The following CELF2 variants were observed in gnomAD, a reference collection of about 807,000 sequenced individuals.
CELF2 encodes the protein CUG triplet repeat RNA-binding protein 2.
CELF2 carries 8 observed loss-of-function variants against 62.6 expected under a neutral mutation model. The observed-to-expected ratio is 0.13, with a 90% confidence interval of 0.07 to 0.23. CELF2 has a LOEUF of 0.23. CELF2 is among the 10% of genes least tolerant of loss of function. CELF2 has a pLI of 1.00. For synonymous variants in CELF2, 258 were observed against 250.0 expected, an observed-to-expected ratio of 1.03 and a Z score of -0.30; for missense variants, 333 against 671.0, an observed-to-expected ratio of 0.50 and a Z score of 5.56.
chr10:11,166,228 G>T (rs1354510316), intron 2 of CELF2, among the ~76,000 whole-genome samples: 1 of 152,232 alleles, frequency 6.6e-6, no homozygotes, highest in Non-Finnish European at 1.5e-5. Flanking sequence ...GGACCGTGAG[G>T]TGAATCTGCC....
At chr10:10,510,555 T>G in the CELF2 span, among the ~76,000 whole-genome samples, 1 of 152,360 alleles carries the variant, frequency 6.6e-6, no homozygotes, top group East Asian at 1.9e-4. Context: ...CATTCATTCA[T>G]TCATCAAATA....
chr10:10,972,719 C>T lies in CELF2; in HGVS notation c.89+52720C>T, dbSNP rs1050434111. The stretch of plus-strand genomic sequence containing the variant: ...GGCTGCTCCTGGGGCACTTCAAACT[C>T]AACGAGCCTCCAACTCACAAGGTCA... On this transcript the variant is annotated intron_variant, in intron 2 of 13. Transcript: ENST00000636488. The surrounding 1 kb of genome is among the most constrained non-coding windows in gnomAD (Gnocchi z 4.4). Among the ~76,000 whole-genome samples the T allele has an allele frequency of 6.6e-6, 1 of 152,304 alleles. No homozygotes were observed. Among genetic ancestry groups the T allele is most frequent in the Non-Finnish European group, 1.5e-5 (1 of 68,026 alleles).
chr10:10,463,824 T>C, the CELF2 span, among the ~76,000 whole-genome samples: 3 of 152,256 alleles, frequency 2.0e-5, no homozygotes, highest in African/African-American at 7.2e-5. Flanking sequence ...TTTCGCCCCA[T>C]TGTTCTTTGT....
chr10:10,604,806 C>A, the CELF2 span, among the ~76,000 whole-genome samples: 1 of 152,290 alleles, frequency 6.6e-6, no homozygotes, highest in East Asian at 1.9e-4. Context: ...AATTGAAATA[C>A]TTTTGATGTC....
chr10:11,160,663 AAG>A (rs2065508938), intron 1 of CELF2, among the ~76,000 whole-genome samples: 3 of 151,612 alleles, frequency 2.0e-5, no homozygotes, highest in Admixed American at 6.6e-5. Context: ...AAAAAAAAAA[AAG>A]AGTATTGGAG....
the CELF2 span, among the ~76,000 whole-genome samples, chr10:10,506,047 C>A: frequency 8.6e-5 from 13 of 151,478 alleles, no homozygotes; most frequent in African/African-American, 3.2e-4. Flanking sequence ...GTGTCTACTC[C>A]ATTTGCCCAG....
intron 1 of CELF2, among the ~76,000 whole-genome samples, chr10:11,009,340 CGT>C (rs1018198529): frequency 6.0e-5 from 9 of 149,784 alleles, no homozygotes; most frequent in Non-Finnish European, 8.9e-5. Flanking sequence ...TGTGTGTGCG[CGT>C]GTGTGTGAGT....
the CELF2 span, among the ~76,000 whole-genome samples, chr10:10,556,347 AC>A: frequency 2.0e-5 from 3 of 152,008 alleles, no homozygotes; most frequent in Non-Finnish European, 4.4e-5. Flanking sequence ...CCATGTCCCT[AC>A]AAAGGACATG....
At chr10:10,814,260 A>G (rs1242736993) in intron 1 of CELF2, among the ~76,000 whole-genome samples, 1 of 140,256 alleles carries the variant, frequency 7.1e-6, no homozygotes, top group African/African-American at 2.6e-5. Context: ...AAGGGACTGT[A>G]GGACTCTGGG....
In CELF2 at chr10:10,846,131, G is replaced by A. The variant is rs118184393; in HGVS notation, c.53+47314G>A. On this transcript the variant is annotated intron_variant, in intron 1 of 13. Coordinates refer to the CELF2 transcript ENST00000636488. ...AGCAGGAGTAAGCAATTCCTTTGAC[G>A]ATATTTGGGAACCTCGCTATTCACA... The A allele has an allele frequency of 3.6e-3, 3,506 of 984,760 alleles. 6 individuals are homozygous for A. The highest frequency in any genetic ancestry group is 3.9e-3 in the Non-Finnish European group (3,198 of 829,460). The allele number at this position is 984,760 out of a possible 1,614,324, so 61.0% of individuals were successfully genotyped here.
intron 2 of CELF2, among the ~76,000 whole-genome samples, chr10:10,933,819 C>T (rs1276774089): frequency 6.6e-6 from 1 of 151,968 alleles, no homozygotes; most frequent in Admixed American, 6.6e-5. Context: ...GTATATATAC[C>T]ACATTTTCTT....
At chr10:10,566,839 G>A in the CELF2 span, among the ~76,000 whole-genome samples, 1 of 152,088 alleles carries the variant, frequency 6.6e-6, no homozygotes, top group Admixed American at 6.5e-5. Flanking sequence ...GATTGTTTTG[G>A]CTTCTTGAAA....
the CELF2 span, among the ~76,000 whole-genome samples, chr10:10,565,113 G>A: frequency 6.6e-6 from 1 of 152,140 alleles, no homozygotes; most frequent in African/African-American, 2.4e-5. Context: ...TTGATAAAGG[G>A]GCTTATTTTC....
At chr10:10,772,400 A>G in the CELF2 span, among the ~76,000 whole-genome samples, 4 of 152,244 alleles carry the variant, frequency 2.6e-5, no homozygotes, top group African/African-American at 9.6e-5. Context: ...ATTCAGTGTA[A>G]ATGGATACTT....
At chr10:11,043,042 G>A (rs1171597158) in intron 1 of CELF2, among the ~76,000 whole-genome samples, 1 of 152,220 alleles carries the variant, frequency 6.6e-6, no homozygotes, top group East Asian at 1.9e-4. Context: ...GCCTAGGAGT[G>A]AAGTTGCTTG....
At chr10:10,628,415 C>T in the CELF2 span, among the ~76,000 whole-genome samples, 3 of 152,052 alleles carry the variant, frequency 2.0e-5, no homozygotes, top group African/African-American at 7.2e-5. Flanking sequence ...CTACTAGATC[C>T]TTCCTGTGTA....
chr10:10,537,294 G>A, the CELF2 span, among the ~76,000 whole-genome samples: 3 of 152,178 alleles, frequency 2.0e-5, no homozygotes, highest in Non-Finnish European at 4.4e-5. Flanking sequence ...GAAGCTGACA[G>A]TCAGTAGCTT....
chr10:10,656,921 A>T, the CELF2 span, among the ~76,000 whole-genome samples: 1 of 48,300 alleles, frequency 2.1e-5, no homozygotes, highest in South Asian at 2.3e-3. Context: ...GAATCAATAA[A>T]AAAAAAAAAA....
chr10:11,137,810 A>T (rs1158814675), intron 1 of CELF2, among the ~76,000 whole-genome samples: 2 of 152,232 alleles, frequency 1.3e-5, no homozygotes, highest in African/African-American at 4.8e-5. Context: ...AACTTTTAAA[A>T]ACAGAATTAT....
Sources: allele counts gnomAD v4.1 joint callset (sites outside exome capture counted in the v4.1 genomes callset), GRCh38; gene constraint gnomAD v4.1.1; non-coding constraint Gnocchi (gnomAD v3.1); transcripts MANE v1.5; gene names NCBI Gene and HGNC (gene_info 2026-07-23, HGNC 2026-07-21).